The following PCDHGA1 variants were observed in gnomAD, a reference collection of about 807,000 sequenced individuals.
PCDHGA1 encodes the protein protocadherin gamma subfamily A, 1, also known as protocadherin gamma-A1.
A neutral mutation model predicts 58.0 loss-of-function variants in PCDHGA1; 32 were observed. The ratio of observed to expected loss-of-function variants is 0.55; its 90% CI spans 0.42 to 0.74. The LOEUF is 0.74. PCDHGA1 is among the 30% of genes least tolerant of loss of function. The pLI, the probability that PCDHGA1 is intolerant of heterozygous loss-of-function variation, is 0.00. For missense variants in PCDHGA1, 1,205 were observed against 1,182.3 expected (o/e 1.02, Z -0.28); for synonymous variants, 498 against 501.1 (o/e 0.99, Z 0.08).
chr5:141,356,558 C>T lies in PCDHGA1; in HGVS notation c.2421+23453C>T, dbSNP rs1307592617. 3 of 1,614,174 alleles carry T rather than the reference C, an allele frequency of 1.9e-6. No homozygotes were observed. In the South Asian group the frequency reaches 3.3e-5, roughly 18 times the overall value. Reference sequence around the variant, plus strand: ...ATCAATGACAACCCACCCACTTTCCCTCATGCTTCCTACTCTGCTTACATT... The same window carrying T: ...ATCAATGACAACCCACCCACTTTCCTTCATGCTTCCTACTCTGCTTACATT... On this transcript the variant is annotated intron_variant, in intron 1 of 3. Transcript: ENST00000517417.
chr5:141,357,006 C>T (rs1335226609), intron 1 of PCDHGA1: 2 of 1,614,158 alleles, frequency 1.2e-6, no homozygotes, highest in Non-Finnish European at 1.7e-6. Context: ...GTCAGAATGC[C>T]TGGCTGTCCT....
chr5:141,366,429 T>C (rs1316802460), intron 1 of PCDHGA1: 2 of 1,614,110 alleles, frequency 1.2e-6, no homozygotes, highest in Admixed American at 3.3e-5. Context: ...GTGGCTGCAG[T>C]CTCCTGCGTC....
chr5:141,444,152 ATTTTTTTTTTTTTTTTTTTTTTTTT>A (rs747671382), intron 1 of PCDHGA1, among the ~76,000 whole-genome samples: 1 of 33,882 alleles, frequency 3.0e-5, no homozygotes, highest in Non-Finnish European at 5.2e-5. Context: ...TGTGTACTGG[ATTTTTTTTTTTTTTTTTTTTTTTTT>A]TTTTTTTTTT....
intron 1 of PCDHGA1, chr5:141,384,205 A>T: frequency 6.2e-7 from 1 of 1,613,874 alleles, no homozygotes; most frequent in Non-Finnish European, 8.5e-7. Context: ...GTCCAGGGAA[A>T]CTCACATATT....
chr5:141,409,486 C>T, intron 1 of PCDHGA1: 1 of 1,613,992 alleles, frequency 6.2e-7, no homozygotes, highest in Non-Finnish European at 8.5e-7. Context: ...CTGACAGGGG[C>T]AAGCCGCCTC....
chr5:141,459,105 T>C (rs904382532), intron 1 of PCDHGA1, among the ~76,000 whole-genome samples: 7 of 152,208 alleles, frequency 4.6e-5, no homozygotes, highest in Non-Finnish European at 7.4e-5. Flanking sequence ...GCAATGCATT[T>C]TGACAATTGT....
chr5:141,453,214 A>T (rs1174586625), intron 1 of PCDHGA1, among the ~76,000 whole-genome samples: 2 of 152,058 alleles, frequency 1.3e-5, no homozygotes, highest in African/African-American at 4.8e-5. Flanking sequence ...CGTGCACTTA[A>T]GCGATCCTCC....
intron 1 of PCDHGA1, among the ~76,000 whole-genome samples, chr5:141,436,410 G>T (rs2154557099): frequency 6.6e-6 from 1 of 152,200 alleles, no homozygotes; most frequent in East Asian, 1.9e-4. Flanking sequence ...TTGAATGAAT[G>T]GATAAACAAA....
intron 1 of PCDHGA1, chr5:141,367,869 G>A (rs1765370199): frequency 6.6e-6 from 1 of 152,012 alleles, no homozygotes; most frequent in Non-Finnish European, 1.5e-5. Context: ...AAGTGTAGGT[G>A]CAATTCTTCT....
intron 1 of PCDHGA1, chr5:141,357,818 C>G: frequency 4.2e-6 from 3 of 707,928 alleles, no homozygotes; most frequent in Non-Finnish European, 6.8e-6. Flanking sequence ...ATTACTTATC[C>G]TTTTTGGTCT....
chr5:141,375,414 A>G lies in PCDHGA1; in HGVS notation c.2421+42309A>G, dbSNP rs752900319. The stretch of plus-strand genomic sequence containing the variant: ...ACAATCATCTCTCTAAATGTGGCAG[A>G]CACCAACGACAACCCGCCCACCTTC... On this transcript the variant is annotated intron_variant, in intron 1 of 3. Transcript: ENST00000517417. 21 of 1,613,866 alleles carry G rather than the reference A, an allele frequency of 1.3e-5. No homozygotes were observed. In the South Asian group the frequency reaches 1.6e-4, roughly 13 times the overall value.
At chr5:141,410,830 G>T in intron 1 of PCDHGA1, 11 of 332,874 alleles carry the variant, frequency 3.3e-5, no homozygotes, top group East Asian at 5.9e-5. Context: ...TCACCAGACT[G>T]AAGATATTTT....
At position 141,423,009 on chromosome 5, in the gene PCDHGA1, G is replaced by A. The variant is rs371209178; in HGVS notation, c.2422-71798G>A. 28 of 1,614,222 alleles carry A rather than the reference G, an allele frequency of 1.7e-5. No individual in the cohort carries two copies. The East Asian group carries it at 4.9e-4, about 28-fold the overall frequency. On this transcript the variant is annotated intron_variant, in intron 1 of 3. Transcript: ENST00000517417. ...GCTACCTGGTGACCAAGGTGGTTGC[G>A]GTGGACAAAGATTCAGGCCAGAACG...
chr5:141,347,137 C>CTCTTTCTCTCTTTCTTTCTT (rs1757890365), intron 1 of PCDHGA1, among the ~76,000 whole-genome samples: 1 of 113,744 alleles, frequency 8.8e-6, no homozygotes, highest in African/African-American at 3.8e-5. Flanking sequence ...CTCTGTTTCT[C>CTCTTTCTCTCTTTCTTTCTT]TCTTTCTTTC....
At chr5:141,372,866 T>A in intron 1 of PCDHGA1, 1 of 1,393,006 alleles carries the variant, frequency 7.2e-7, no homozygotes, top group Non-Finnish European at 9.6e-7. Context: ...ATTCATTGAT[T>A]TAGAGATAAA....
At chr5:141,407,708 G>C (rs2094972839) in intron 1 of PCDHGA1, among the ~76,000 whole-genome samples, 1 of 152,106 alleles carries the variant, frequency 6.6e-6, no homozygotes, top group African/African-American at 2.4e-5. Flanking sequence ...TGAAGGTGGG[G>C]TGATGGCTAT....
chr5:141,421,379 A>G, intron 1 of PCDHGA1: 1 of 1,614,054 alleles, frequency 6.2e-7, no homozygotes, highest in Non-Finnish European at 8.5e-7. Flanking sequence ...AATATCTCCA[A>G]GGACCTGGGG....
chr5:141,479,035 C>A (rs2099486361), intron 1 of PCDHGA1, among the ~76,000 whole-genome samples: 1 of 152,104 alleles, frequency 6.6e-6, no homozygotes, highest in Non-Finnish European at 1.5e-5. Context: ...TTATACAGAT[C>A]GTGTACCTCA....
At chr5:141,388,348 G>A in intron 1 of PCDHGA1, 1 of 1,613,974 alleles carries the variant, frequency 6.2e-7, no homozygotes, top group South Asian at 1.1e-5. Flanking sequence ...TTTATATTAG[G>A]ATCTGCCCAT....
Sources: gnomAD v4.1 joint callset for allele counts (sites outside exome capture counted in the v4.1 genomes callset) on GRCh38, gnomAD v4.1.1 for gene constraint, MANE v1.5 for transcripts, NCBI Gene and HGNC (gene_info 2026-07-23, HGNC 2026-07-21) for gene names.